ERMP1: variants seen among roughly 807,000 people sequenced by gnomAD.
ERMP1 encodes the protein Felix-ina.
In ERMP1, 86 loss-of-function variants were observed where a neutral mutation model predicts 92.0. That is an observed-to-expected ratio of 0.93 (90% CI 0.79 to 1.12). The LOEUF (loss-of-function observed/expected upper bound fraction) is 1.12, where lower values mean the gene tolerates loss of function less well. Among genes scored for constraint, ERMP1 ranks in the 50% most tolerant of loss-of-function variants. ERMP1 has a pLI of 0.00. For synonymous variants in ERMP1, 530 were observed against 412.8 expected (o/e 1.28, Z -3.44); for missense variants, 1,342 against 1,116.3 (o/e 1.20, Z -2.88).
chr9:5,838,514 G>C (rs971194125), intron 6 of ERMP1, among the ~76,000 whole-genome samples: 1 of 147,972 alleles, frequency 6.8e-6, no homozygotes, highest in Non-Finnish European at 1.5e-5. Flanking sequence ...CTGGGCGACA[G>C]GGCAAAACCC....
chr9:5,842,093 GATTT>G (rs1830171707), intron 6 of ERMP1, among the ~76,000 whole-genome samples: 1 of 152,100 alleles, frequency 6.6e-6, no homozygotes, highest in African/African-American at 2.4e-5. Flanking sequence ...GCAGCAGCAA[GATTT>G]ATTGTGAAAA....
intron 4 of ERMP1, among the ~76,000 whole-genome samples, chr9:5,822,792 A>G (rs886719789): frequency 1.2e-4 from 18 of 152,202 alleles, no homozygotes; most frequent in Admixed American, 2.0e-4. Flanking sequence ...GAATTTTGTT[A>G]ATAAAGACAA....
intron 13 of ERMP1, among the ~76,000 whole-genome samples, chr9:5,794,782 A>G (rs1383796155): frequency 6.6e-6 from 1 of 152,150 alleles, no homozygotes; most frequent in African/African-American, 2.4e-5. Context: ...AAAAGAACCT[A>G]CCAAGCCTAC....
At chr9:5,820,290 C>A (rs927882060) in intron 4 of ERMP1, among the ~76,000 whole-genome samples, 11 of 152,166 alleles carry the variant, frequency 7.2e-5, no homozygotes, top group African/African-American at 2.7e-4. Context: ...CAGAGCGAGA[C>A]TCCACCTCAA....
At chr9:5,859,022 T>C (rs1418194363) in intron 6 of ERMP1, among the ~76,000 whole-genome samples, 5 of 152,198 alleles carry the variant, frequency 3.3e-5, no homozygotes, top group Non-Finnish European at 5.9e-5. Flanking sequence ...GAGGTGACTA[T>C]TGTTTGCTCC....
chr9:5,854,061 A>G (rs1288600387), intron 6 of ERMP1, among the ~76,000 whole-genome samples: 1 of 152,044 alleles, frequency 6.6e-6, no homozygotes, highest in African/African-American at 2.4e-5. Flanking sequence ...ATTTTAACAA[A>G]GGGGGATAAA....
intron 13 of ERMP1, among the ~76,000 whole-genome samples, chr9:5,796,994 A>G (rs2131211231): frequency 6.6e-6 from 1 of 152,234 alleles, no homozygotes; most frequent in Middle Eastern, 3.4e-3. Flanking sequence ...AGAACTCTAT[A>G]ATTTCTACTT....
rs1378009856 is a variant in ERMP1 at position 5,833,018 on chromosome 9, C to T, written c.10G>A (p.Gly4Ser). 5 of 1,539,338 alleles carry T rather than the reference C, an allele frequency of 3.2e-6. No homozygotes were observed. The highest frequency in any genetic ancestry group is 4.3e-6 in the Non-Finnish European group (5 of 1,153,392). Reference protein sequence around the residue: MEWGSESAAVRRHR... With the variant: MEWSSESAAVRRHR... Reference sequence around the variant, plus strand: ...CGCCTCACAGCAGCCGACTCAGAACCCCACTCCATGGCCACGAGCCTCAGC... The same window carrying T: ...CGCCTCACAGCAGCCGACTCAGAACTCCACTCCATGGCCACGAGCCTCAGC... Residue 4 changes from glycine (G) to serine (S), a missense_variant, in exon 1 of 15, where the codon GGT becomes AGT. Coordinates refer to ENST00000339450, the MANE Select transcript of ERMP1 (RefSeq NM_024896.3).
intron 5 of ERMP1, among the ~76,000 whole-genome samples, chr9:5,866,600 G>GT (rs1219429425): frequency 6.6e-6 from 1 of 152,194 alleles, no homozygotes; most frequent in Non-Finnish European, 1.5e-5. Context: ...AGATGAACTT[G>GT]TAATTTCATA....
chr9:5,857,973 A>C (rs893888253), intron 6 of ERMP1, among the ~76,000 whole-genome samples: 1 of 152,166 alleles, frequency 6.6e-6, no homozygotes, highest in African/African-American at 2.4e-5. Flanking sequence ...CCTATATTCC[A>C]GACTCTTTTT....
At chr9:5,846,068 T>G (rs1218420404) in intron 6 of ERMP1, among the ~76,000 whole-genome samples, 1 of 152,148 alleles carries the variant, frequency 6.6e-6, no homozygotes, top group Non-Finnish European at 1.5e-5. Context: ...GTGGGGTGGA[T>G]TCTGCACCCC....
intron 4 of ERMP1, among the ~76,000 whole-genome samples, chr9:5,822,110 G>A (rs987873036): frequency 1.3e-5 from 2 of 152,154 alleles, no homozygotes; most frequent in Middle Eastern, 3.4e-3. Context: ...AAATTAGCCG[G>A]GCATGGTGGT....
intron 10 of ERMP1, 58 bp from the exon 11 acceptor site, chr9:5,801,386 T>TAA: frequency 6.5e-7 from 1 of 1,533,908 alleles, no homozygotes; most frequent in African/African-American, 1.4e-5. Flanking sequence ...GGTGGAAAGG[T>TAA]GTTTTTAACT....
upstream of ERMP1, among the ~76,000 whole-genome samples, chr9:5,834,035 G>C (rs558510811): frequency 6.6e-6 from 1 of 152,140 alleles, no homozygotes; most frequent in African/African-American, 2.4e-5. Flanking sequence ...GCACACTGCC[G>C]GATTTTGACT....
At chr9:5,808,571 T>C (rs929181604) in intron 8 of ERMP1, among the ~76,000 whole-genome samples, 2 of 152,240 alleles carry the variant, frequency 1.3e-5, no homozygotes, top group African/African-American at 4.8e-5. Flanking sequence ...GATGTTGGGT[T>C]AAAATCATCC....
intron 6 of ERMP1, among the ~76,000 whole-genome samples, chr9:5,857,403 C>T (rs568334009): frequency 3.9e-5 from 6 of 152,168 alleles, no homozygotes; most frequent in Non-Finnish European, 7.3e-5. Context: ...ACGTGCACAT[C>T]CAGCAACTCA....
At chr9:5,847,764 A>G (rs56016904) in intron 6 of ERMP1, among the ~76,000 whole-genome samples, 57,614 of 151,266 alleles carry the variant, frequency 0.38, 11,142 homozygotes, top group East Asian at 0.55. Flanking sequence ...GCGTGGTGGC[A>G]GGCGCCTGTA....
intron 2 of ERMP1, among the ~76,000 whole-genome samples, chr9:5,830,086 T>G (rs1829881940): frequency 6.6e-6 from 1 of 152,210 alleles, no homozygotes; most frequent in East Asian, 1.9e-4. Flanking sequence ...AAATTCTCAC[T>G]TTATAGGTCA....
Position 5,843,724 on chromosome 9 carries a change from AG to A in ERMP1, n.3200-10413del, listed in dbSNP as rs563037541. The stretch of plus-strand genomic sequence containing the variant: ...CGCTTTCTGAAGTTTTTGCTGATGC[AG>A]AGCCGAAGATCTCTGCTACAACAAA... On this transcript the variant is annotated intron_variant and non_coding_transcript_variant, in intron 6 of 6. Coordinates refer to the ERMP1 transcript ENST00000690753. 3.0e-4 allele frequency among the ~76,000 whole-genome samples: 45 copies of A among 152,150 alleles called. 1 individual carries two copies. In the East Asian group the frequency reaches 8.5e-3, roughly 29 times the overall value.
Sources: allele counts gnomAD v4.1 joint callset (sites outside exome capture counted in the v4.1 genomes callset), GRCh38; gene constraint gnomAD v4.1.1; transcripts MANE v1.5; gene names NCBI Gene and HGNC (gene_info 2026-07-23, HGNC 2026-07-21).